Variants in ZNF556 observed in about 807,000 individuals in gnomAD.
ZNF556 encodes the protein zinc finger protein 556.
In ZNF556, 11 loss-of-function variants were observed where a neutral mutation model predicts 13.6. The ratio of observed to expected loss-of-function variants is 0.81; its 90% confidence interval spans 0.51 to 1.33. ZNF556 has a LOEUF of 1.33. ZNF556 is among the 40% of genes most tolerant of loss of function. The pLI is 0.00. For missense variants in ZNF556, 633 were observed against 566.2 expected (o/e 1.12, Z -1.20); for synonymous variants, 229 against 207.8 (o/e 1.10, Z -0.88).
chr19:2,878,436 C>A lies in ZNF556; in HGVS notation c.*107C>A. 6 of 1,121,804 alleles carry A rather than the reference C, an allele frequency of 5.3e-6. No homozygotes were observed. The highest frequency in any genetic ancestry group is 7.6e-6 in the Non-Finnish European group (6 of 787,862). The allele number at this position is 1,121,804 out of a possible 1,614,324, so 69.5% of individuals were successfully genotyped here. On this transcript the variant is annotated 3_prime_UTR_variant, in exon 4 of 4. Coordinates refer to ENST00000307635, the MANE Select transcript of ZNF556 (RefSeq NM_024967.3). ...CTGTAATCCCAGCACTTTGGGAGGC[C>A]GAGGCAGGCGGATCACGAGGTCAGG...
chr19:2,867,767 C>T lies in ZNF556; in HGVS notation c.3+343C>T, dbSNP rs539668261. The stretch of plus-strand genomic sequence containing the variant: ...CACCCCAGCGAGGCGGTGCAACAGC[C>T]CCAAAGCAGAATGCGCTTTGGATGC... On this transcript the variant is annotated intron_variant, in intron 1 of 3. Coordinates refer to ENST00000307635, the MANE Select transcript of ZNF556 (RefSeq NM_024967.3). Among the ~76,000 whole-genome samples, 5 of 151,492 alleles carry T rather than the reference C, an allele frequency of 3.3e-5. No homozygotes were observed. In the South Asian group the frequency reaches 1.0e-3, roughly 32 times the overall value.
intron 1 of ZNF556, 73 bp from the exon 2 acceptor site, chr19:2,873,423 A>G (rs2087821533): frequency 2.6e-6 from 4 of 1,563,544 alleles, no homozygotes; most frequent in East Asian, 2.3e-5. Context: ...TGAGTGTCCT[A>G]TGAACTGAGT....
rs2087890651 is a variant in ZNF556 at position 2,879,808 on chromosome 19, A to G, written c.*1479A>G. On this transcript the variant is annotated 3_prime_UTR_variant, in exon 4 of 4. Coordinates refer to ENST00000307635, the MANE Select transcript of ZNF556 (RefSeq NM_024967.3). The stretch of plus-strand genomic sequence containing the variant: ...CACTTTGGGAGGCTGAGGTGGGCGG[A>G]TCACGAGGTCAGGAAATCGAGACCA... The G allele has an allele frequency of 6.6e-6, 1 of 151,776 alleles. No homozygotes were observed. The highest frequency in any genetic ancestry group is 2.4e-5 in the African/African-American group (1 of 41,298). 9.4% of individuals were successfully genotyped at this position (151,776 alleles called of 1,614,324 possible).
At chr19:2,875,977 TA>T in intron 2 of ZNF556, 115 bp from the exon 3 acceptor site, 1 of 933,660 alleles carries the variant, frequency 1.1e-6, no homozygotes. Flanking sequence ...AATAAATAAA[TA>T]AATAGATAAA....
intron 1 of ZNF556, among the ~76,000 whole-genome samples, chr19:2,868,476 G>A (rs975911993): frequency 2.4e-4 from 37 of 152,104 alleles, no homozygotes; most frequent in African/African-American, 8.7e-4. Context: ...GCAGTGGCGC[G>A]ATCTCGGCTC....
At chr19:2,869,452 C>T (rs963822352) in intron 1 of ZNF556, among the ~76,000 whole-genome samples, 12 of 152,056 alleles carry the variant, frequency 7.9e-5, no homozygotes, top group African/African-American at 2.4e-4. Flanking sequence ...CTGCAAGCTC[C>T]GCCTCCCGGG....
At chr19:2,869,349 T>A (rs2087782950) in intron 1 of ZNF556, among the ~76,000 whole-genome samples, 1 of 149,900 alleles carries the variant, frequency 6.7e-6, no homozygotes, top group African/African-American at 2.4e-5. Flanking sequence ...ATGAGGAAAT[T>A]TTATATCTCC....
At chr19:2,868,228 A>G (rs894429960) in intron 1 of ZNF556, among the ~76,000 whole-genome samples, 2 of 152,112 alleles carry the variant, frequency 1.3e-5, no homozygotes, top group African/African-American at 4.8e-5. Context: ...CTCCCGGGAA[A>G]AAGAATCGCA....
Position 2,876,220 on chromosome 19 carries a change from A to G in ZNF556, c.258A>G (p.Lys86=), listed in dbSNP as rs1479383366. ...RKNIWASLLG[K]NWEEHSVKDK... The stretch of plus-strand genomic sequence containing the variant: ...ATATATGGGCCTCCCTTTTAGGAAA[A>G]AATTGGGAAGAACATAGCGTTAAAG... Residue 86 remains lysine, a synonymous_variant, in exon 3 of 4, where the codon AAA becomes AAG. Coordinates refer to ENST00000307635, the MANE Select transcript of ZNF556 (RefSeq NM_024967.3). The G allele has an allele frequency of 6.2e-7, 1 of 1,609,884 alleles. No homozygotes were observed. Among genetic ancestry groups the G allele is most frequent in the East Asian group, 2.2e-5 (1 of 44,650 alleles).
rs2087861160 is a variant in ZNF556, at chr19:2,877,337, A to G, written c.379A>G (p.Arg127Gly). Residue 127 changes from arginine (R) to glycine (G), a missense_variant, in exon 4 of 4, where the codon AGA (arginine) becomes GGA (glycine). By Grantham distance (125) the Arg-to-Gly change is moderately radical. Transcript: ENST00000307635. Reference protein sequence around the residue: ...SKGNKRGRTFRKTRNCNRHLR... With the variant: ...SKGNKRGRTFGKTRNCNRHLR... ...AGGTAATAAACGTGGAAGAACCTTC[A>G]GAAAGACTCGAAATTGTAATCGTCA... 1 of 1,614,248 alleles carries G rather than the reference A, an allele frequency of 6.2e-7. No homozygotes were observed. The highest frequency in any genetic ancestry group is 1.6e-4 in the Middle Eastern group (1 of 6,062).
rs930547529 is a variant in ZNF556 at position 2,867,370 on chromosome 19, A to G, written c.-52A>G. 3.2e-6 allele frequency: 5 copies of G among 1,567,020 alleles called. No individual in the cohort carries two copies. Among genetic ancestry groups the G allele is most frequent in the Non-Finnish European group, 4.3e-6 (5 of 1,155,554 alleles). ...AGGTGTCCCCGTCGTGCTCACCTGC[A>G]CCGGCTGCGAGGAGCAGGGAGCTCC... On this transcript the variant is annotated 5_prime_UTR_variant, in exon 1 of 4. Coordinates refer to ENST00000307635, the MANE Select transcript of ZNF556 (RefSeq NM_024967.3).
In ZNF556 at chr19:2,876,096, A is replaced by T; in HGVS notation, c.134A>T (p.Asn45Ile). The change falls in exon 3 of 4, where the codon AAT becomes ATT. Residue 45 changes from asparagine to isoleucine, a missense_variant. Physicochemically the swap from Asn to Ile is moderately radical, Grantham distance 149 (BLOSUM62 -3). Transcript: ENST00000307635. ...ETFKHLASVDNEAQLKASGSI... is the reference protein window; with the variant it reads ...ETFKHLASVDIEAQLKASGSI... ...TTGGTTCACTTTTTTGTTTCAGATAATGAGGCTCAGCTTAAAGCCAGTGGG... is the reference window on the plus strand; with the variant it reads ...TTGGTTCACTTTTTTGTTTCAGATATTGAGGCTCAGCTTAAAGCCAGTGGG... 6.3e-7 allele frequency: 1 copy of T among 1,599,766 alleles called. No individual in the cohort carries two copies. The highest frequency in any genetic ancestry group is 8.5e-7 in the Non-Finnish European group (1 of 1,176,290).
chr19:2,871,105 A>G (rs922710986), intron 1 of ZNF556, among the ~76,000 whole-genome samples: 1 of 151,952 alleles, frequency 6.6e-6, no homozygotes, highest in African/African-American at 2.4e-5. Flanking sequence ...CAGAGGTTGC[A>G]GTGAGCTGAG....
At chr19:2,877,032 G>A (rs959331425) in intron 3 of ZNF556, among the ~76,000 whole-genome samples, 4 of 151,906 alleles carry the variant, frequency 2.6e-5, no homozygotes, top group Non-Finnish European at 5.9e-5. Flanking sequence ...GACCAATATG[G>A]TGAAACCCTG....
chr19:2,870,958 G>A (rs1398926553), intron 1 of ZNF556, among the ~76,000 whole-genome samples: 6 of 151,364 alleles, frequency 4.0e-5, no homozygotes, highest in Non-Finnish European at 7.4e-5. Context: ...AGGATCACTT[G>A]AACCTTGGAG....
At position 2,882,058 on chromosome 19, in the gene ZNF556, T is replaced by C. The variant is rs1264000555; in HGVS notation, c.*3729T>C. On this transcript the variant is annotated 3_prime_UTR_variant, in exon 4 of 4. Coordinates refer to ENST00000307635, the MANE Select transcript of ZNF556 (RefSeq NM_024967.3). The stretch of plus-strand genomic sequence containing the variant: ...ACCAAGAGGTCCAGGCTGCAATGAG[T>C]TATCTTGCCACTGTACTCCAGCCAG... 1 of 151,688 alleles carries C rather than the reference T, an allele frequency of 6.6e-6. No homozygotes were observed. Among genetic ancestry groups the C allele is most frequent in the Non-Finnish European group, 1.5e-5 (1 of 67,930 alleles). The allele number at this position is 151,688 out of a possible 1,614,324, so 9.4% of individuals were successfully genotyped here. A position where few individuals can be genotyped will look rare whatever the true frequency, so the allele number is the denominator to read the frequency against.
chr19:2,877,367 C>T lies in ZNF556; in HGVS notation c.409C>T (p.Arg137Cys), dbSNP rs10421121. The T allele has an allele frequency of 0.065, 105,193 of 1,613,982 alleles. 5,432 individuals carry two copies. Among genetic ancestry groups the T allele is most frequent in the African/African-American group, 0.27 (20,555 of 74,940 alleles). ...GACTCGAAATTGTAATCGTCATCTG[C>T]GCAAGAATTGTTGTACTAGTGTAAG... ...RKTRNCNRHL[R>C]KNCCTSVRRY... Residue 137 changes from arginine to cysteine, a missense_variant, in exon 4 of 4, where the codon CGC becomes TGC. Transcript: ENST00000307635.
At chr19:2,875,355 G>A (rs1374729591) in intron 2 of ZNF556, among the ~76,000 whole-genome samples, 2 of 151,680 alleles carry the variant, frequency 1.3e-5, no homozygotes, top group African/African-American at 4.8e-5. Flanking sequence ...CACCACGCCC[G>A]GCTAATTTTT....
chr19:2,877,370 A>G lies in ZNF556; in HGVS notation c.412A>G (p.Lys138Glu), dbSNP rs2087861897. 6.2e-7 allele frequency: 1 copy of G among 1,614,084 alleles called. No homozygotes were observed. The highest frequency in any genetic ancestry group is 1.7e-5 in the Admixed American group (1 of 59,986). ...KTRNCNRHLR[K>E]NCCTSVRRYE... ...TCGAAATTGTAATCGTCATCTGCGCAAGAATTGTTGTACTAGTGTAAGACG... is the reference window on the plus strand; with the variant it reads ...TCGAAATTGTAATCGTCATCTGCGCGAGAATTGTTGTACTAGTGTAAGACG... Residue 138 changes from lysine (K) to glutamate (E), a missense_variant, in exon 4 of 4, where the codon AAG becomes GAG. By Grantham distance (56) the Lys-to-Glu change is moderately conservative (BLOSUM62 1). Coordinates refer to ENST00000307635, the MANE Select transcript of ZNF556 (RefSeq NM_024967.3).
Sources: gnomAD v4.1 joint callset for allele counts (sites outside exome capture counted in the v4.1 genomes callset) on GRCh38, gnomAD v4.1.1 for gene constraint, MANE v1.5 for transcripts, NCBI Gene and HGNC (gene_info 2026-07-23, HGNC 2026-07-21) for gene names.